Variants in PDE1C observed in about 807,000 individuals in gnomAD.
PDE1C encodes phosphodiesterase 1C.
Under a neutral mutation model 93.1 loss-of-function variants are expected in PDE1C, and 62 were observed. That is an observed-to-expected ratio of 0.67 (90% CI 0.54 to 0.82). The LOEUF is 0.82. Ranked by LOEUF, PDE1C falls within the 40% of genes least tolerant of loss-of-function variation. The pLI is 0.00. For synonymous variants in PDE1C, 325 were observed against 310.1 expected, an observed-to-expected ratio of 1.05 and a Z score of -0.50; for missense variants, 742 against 884.6, an observed-to-expected ratio of 0.84 and a Z score of 2.04.
At chr7:32,330,914 G>A (rs567695483) in intron 1 of PDE1C, among the ~76,000 whole-genome samples, 3 of 152,256 alleles carry the variant, frequency 2.0e-5, no homozygotes, top group South Asian at 2.1e-4. Flanking sequence ...CGGTCCCCTG[G>A]GAAGATTTCC....
the PDE1C span, among the ~76,000 whole-genome samples, chr7:31,617,828 G>GAAGATTGGAGACTATTTAAA: frequency 6.6e-6 from 1 of 152,214 alleles, no homozygotes; most frequent in South Asian, 2.1e-4. Flanking sequence ...GACTATTTAA[G>GAAGATTGGAGACTATTTAAA]TTTCAGAAGA....
chr7:32,422,858 G>A (rs73309854), intron 1 of PDE1C, among the ~76,000 whole-genome samples: 4,655 of 152,210 alleles, frequency 0.031, 142 homozygotes, highest in East Asian at 0.11. Flanking sequence ...TTGCAAAAGG[G>A]CTAGGGAGGT....
intron 2 of PDE1C, among the ~76,000 whole-genome samples, chr7:31,974,083 GT>G (rs1003619448): frequency 4.1e-4 from 62 of 152,194 alleles, no homozygotes; most frequent in African/African-American, 1.4e-3. Flanking sequence ...TGTGGGCAAT[GT>G]TTTTTTCTGC....
intron 3 of PDE1C, among the ~76,000 whole-genome samples, chr7:32,106,811 A>G (rs1017895852): frequency 6.6e-6 from 1 of 151,510 alleles, no homozygotes; most frequent in African/African-American, 2.4e-5. Context: ...AAAGACAAAA[A>G]CATAATCTGA....
intron 3 of PDE1C, among the ~76,000 whole-genome samples, chr7:32,133,408 G>A (rs2128773521): frequency 6.6e-6 from 1 of 152,276 alleles, no homozygotes; most frequent in East Asian, 1.9e-4. Flanking sequence ...CATTCTGAGG[G>A]ATGTCATAGT....
At chr7:32,393,767 T>C (rs1043913637) in intron 1 of PDE1C, among the ~76,000 whole-genome samples, 1 of 152,228 alleles carries the variant, frequency 6.6e-6, no homozygotes, top group Non-Finnish European at 1.5e-5. Flanking sequence ...AATATATCCT[T>C]ATGCCACTTG....
chr7:32,084,090 C>T (rs1187782753), intron 3 of PDE1C, among the ~76,000 whole-genome samples: 1 of 152,126 alleles, frequency 6.6e-6, no homozygotes, highest in East Asian at 1.9e-4. Flanking sequence ...CATCAGTGTG[C>T]TGTATTCAGG....
rs905974777 is a variant in PDE1C at position 31,976,920 on chromosome 7, C to T, written c.128+74634G>A. On this transcript the variant is annotated intron_variant, in intron 2 of 17. Transcript: ENST00000396191. ...AGCCAGTGGTTCTCAAAGGGTGGTC[C>T]CAGGACAAGAAGCATCATTACCTAG... 3.9e-5 allele frequency among the ~76,000 whole-genome samples: 6 copies of T among 152,124 alleles called. No individual in the cohort carries two copies. In the East Asian group the frequency reaches 1.2e-3, roughly 29 times the overall value.
intron 3 of PDE1C, among the ~76,000 whole-genome samples, chr7:32,159,006 C>A (rs1801747990): frequency 6.6e-6 from 1 of 152,200 alleles, no homozygotes; most frequent in Non-Finnish European, 1.5e-5. Context: ...CAAACTGTTC[C>A]TTTTGCTTCC....
intron 2 of PDE1C, among the ~76,000 whole-genome samples, chr7:31,991,120 T>A (rs747720352): frequency 1.3e-5 from 2 of 152,362 alleles, no homozygotes; most frequent in Non-Finnish European, 1.5e-5. Flanking sequence ...TACATATATG[T>A]CATATGCATT....
intron 1 of PDE1C, among the ~76,000 whole-genome samples, chr7:32,292,501 G>A (rs1812398040): frequency 6.6e-6 from 1 of 152,136 alleles, no homozygotes; most frequent in African/African-American, 2.4e-5. Context: ...GGATAAATCA[G>A]CCCTAGTAAG....
At chr7:32,387,685 C>G (rs866190157) in intron 1 of PDE1C, among the ~76,000 whole-genome samples, 1,894 of 142,526 alleles carry the variant, frequency 0.013, 1 homozygote, top group Middle Eastern at 0.019. Context: ...GGGGCTGACC[C>G]CCCCCACCTC....
intron 1 of PDE1C, among the ~76,000 whole-genome samples, chr7:32,314,998 TCA>T (rs1783138515): frequency 6.8e-6 from 1 of 147,350 alleles, no homozygotes; most frequent in Admixed American, 6.9e-5. Flanking sequence ...ACACAGACAT[TCA>T]CACACACACC....
intron 1 of PDE1C, among the ~76,000 whole-genome samples, chr7:32,229,340 C>A (rs80108997): frequency 0.016 from 2,444 of 152,260 alleles, 57 homozygotes; most frequent in African/African-American, 0.055. Flanking sequence ...GTCTAGGGAG[C>A]ACTTGTCACA....
chr7:31,950,516 C>T (rs1170834295), intron 2 of PDE1C, among the ~76,000 whole-genome samples: 3 of 152,168 alleles, frequency 2.0e-5, no homozygotes, highest in Non-Finnish European at 1.5e-5. Flanking sequence ...CAACGCTAAC[C>T]ACTTATCAGA....
chr7:32,312,487 G>A (rs1170520848), intron 1 of PDE1C, among the ~76,000 whole-genome samples: 27 of 152,158 alleles, frequency 1.8e-4, no homozygotes, highest in South Asian at 1.7e-3. Context: ...GAGGCATCAC[G>A]CTACCTGACT....
At chr7:31,987,662 T>C (rs1165354492) in intron 2 of PDE1C, among the ~76,000 whole-genome samples, 1 of 152,186 alleles carries the variant, frequency 6.6e-6, no homozygotes, top group African/African-American at 2.4e-5. Context: ...TTAGCATCAC[T>C]ATGTGTTTTT....
chr7:31,747,857 C>CAAAAA (rs3078522), downstream of PDE1C, among the ~76,000 whole-genome samples: 4 of 134,160 alleles, frequency 3.0e-5, 1 homozygote, highest in Non-Finnish European at 4.6e-5. Flanking sequence ...CAAAACATCT[C>CAAAAA]AAAAAAAAAA....
the PDE1C span, among the ~76,000 whole-genome samples, chr7:31,731,576 G>A: frequency 6.6e-6 from 1 of 152,124 alleles, no homozygotes; most frequent in Non-Finnish European, 1.5e-5. Flanking sequence ...TTTTAGTAGA[G>A]ATGGAATTTC....
Sources: gnomAD v4.1 joint callset for allele counts (sites outside exome capture counted in the v4.1 genomes callset) on GRCh38, gnomAD v4.1.1 for gene constraint, MANE v1.5 for transcripts, NCBI Gene and HGNC (gene_info 2026-07-23, HGNC 2026-07-21) for gene names.